The following FANCC variants were observed in gnomAD, a reference collection of about 807,000 sequenced individuals.
The protein encoded by FANCC is Fanconi anemia group C protein.
FANCC carries 55 observed loss-of-function variants against 71.3 expected under a neutral mutation model. The observed-to-expected ratio is 0.77, with a 90% CI of 0.62 to 0.97. FANCC has a LOEUF of 0.97. FANCC is among the 50% of genes least tolerant of loss of function. The probability of loss-of-function intolerance (pLI) is 0.00; values close to 1 mark genes in which losing one functional copy is unlikely to be tolerated. For synonymous variants in FANCC, 275 were observed against 244.9 expected (o/e 1.12, Z -1.15); for missense variants, 678 against 670.9 (o/e 1.01, Z -0.12).
intron 1 of FANCC, 144 bp from the exon 2 acceptor site, chr9:95,249,513 A>G: frequency 1.8e-6 from 1 of 570,600 alleles, no homozygotes; most frequent in South Asian, 2.1e-5. Flanking sequence ...TTGTTATAAA[A>G]TATGTCATCC....
At chr9:95,190,969 T>C (rs914385982) in intron 4 of FANCC, among the ~76,000 whole-genome samples, 5 of 152,106 alleles carry the variant, frequency 3.3e-5, no homozygotes, top group Non-Finnish European at 7.4e-5. Context: ...TGGGGTCTTC[T>C]GTCACAAAGG....
At chr9:95,106,040 C>A (rs1407107718) in intron 14 of FANCC, among the ~76,000 whole-genome samples, 2 of 152,202 alleles carry the variant, frequency 1.3e-5, no homozygotes, top group African/African-American at 4.8e-5. Context: ...GAGGAACCAC[C>A]CCATTCTTCT....
intron 7 of FANCC, among the ~76,000 whole-genome samples, chr9:95,147,857 C>G (rs1484372269): frequency 2.6e-5 from 4 of 152,220 alleles, no homozygotes. Context: ...TCTGGACTTA[C>G]TGTATTGCTT....
intron 4 of FANCC, among the ~76,000 whole-genome samples, chr9:95,238,420 C>T (rs1564784196): frequency 1.3e-5 from 2 of 152,160 alleles, no homozygotes; most frequent in African/African-American, 4.8e-5. Context: ...TTCTCCATTT[C>T]TTTGAGGCCC....
chr9:95,217,561 T>G (rs1359414108), intron 4 of FANCC, among the ~76,000 whole-genome samples: 3 of 152,136 alleles, frequency 2.0e-5, no homozygotes, highest in Non-Finnish European at 4.4e-5. Context: ...TAGTAAATTT[T>G]TTTTAACTAA....
intron 4 of FANCC, among the ~76,000 whole-genome samples, chr9:95,225,039 G>C (rs1564770133): frequency 6.6e-6 from 1 of 152,168 alleles, no homozygotes; most frequent in Non-Finnish European, 1.5e-5. Context: ...AGGAACAATA[G>C]TCAAACTAAG....
At chr9:95,223,181 A>C (rs1829388650) in intron 4 of FANCC, among the ~76,000 whole-genome samples, 1 of 152,234 alleles carries the variant, frequency 6.6e-6, no homozygotes, top group Non-Finnish European at 1.5e-5. Flanking sequence ...AAGTACCACA[A>C]GTTGAGTGGC....
chr9:95,222,162 CAAAA>C (rs60764731), intron 4 of FANCC, among the ~76,000 whole-genome samples: 1 of 70,634 alleles, frequency 1.4e-5, no homozygotes. Flanking sequence ...GGCCCCATCT[CAAAA>C]AAAAAAAAAA....
At chr9:95,205,388 A>C (rs1007951977) in intron 4 of FANCC, among the ~76,000 whole-genome samples, 5 of 152,144 alleles carry the variant, frequency 3.3e-5, no homozygotes, top group South Asian at 2.1e-4. Flanking sequence ...ATTTTAAAAA[A>C]CTTGACAACT....
chr9:95,293,768 T>C (rs1241151331), intron 1 of FANCC: 1 of 1,613,860 alleles, frequency 6.2e-7, no homozygotes, highest in Non-Finnish European at 8.5e-7. Flanking sequence ...CTGCTCAGAC[T>C]GATGCATTTA....
intron 3 of FANCC, among the ~76,000 whole-genome samples, chr9:95,242,521 G>T (rs891414454): frequency 6.7e-6 from 1 of 149,010 alleles, no homozygotes; most frequent in Non-Finnish European, 1.5e-5. Flanking sequence ...GTCAGTTTAT[G>T]AGTTTATGAA....
intron 7 of FANCC, among the ~76,000 whole-genome samples, chr9:95,148,806 T>C (rs1253271574): frequency 6.6e-6 from 1 of 152,230 alleles, no homozygotes; most frequent in African/African-American, 2.4e-5. Flanking sequence ...ACTGACATAA[T>C]TTCAGATTCC....
At chr9:95,174,768 G>A (rs531798251) in intron 4 of FANCC, among the ~76,000 whole-genome samples, 1 of 152,264 alleles carries the variant, frequency 6.6e-6, no homozygotes, top group Non-Finnish European at 1.5e-5. Flanking sequence ...AATACTTGGA[G>A]ATGACAGTCT....
chr9:95,255,456 C>T (rs11507036), intron 1 of FANCC, among the ~76,000 whole-genome samples: 1 of 152,172 alleles, frequency 6.6e-6, no homozygotes, highest in East Asian at 1.9e-4. Flanking sequence ...GCAGAGGGGC[C>T]TGACTGTTAG....
At chr9:95,259,764 A>C (rs1831905838) in intron 1 of FANCC, among the ~76,000 whole-genome samples, 1 of 152,224 alleles carries the variant, frequency 6.6e-6, no homozygotes, top group Non-Finnish European at 1.5e-5. Flanking sequence ...CAACCTACAG[A>C]ATGGGAGAAA....
intron 7 of FANCC, among the ~76,000 whole-genome samples, chr9:95,141,577 G>A (rs1055126213): frequency 6.6e-6 from 1 of 151,904 alleles, no homozygotes; most frequent in Admixed American, 6.6e-5. Flanking sequence ...TCTAATTTAC[G>A]TTTTCATTTC....
intron 4 of FANCC, among the ~76,000 whole-genome samples, chr9:95,225,037 T>C (rs560361579): frequency 5.0e-4 from 76 of 152,280 alleles, no homozygotes; most frequent in Middle Eastern, 3.4e-3. Context: ...ATAGGAACAA[T>C]AGTCAAACTA....
chr9:95,184,443 A>C (rs1267789731), intron 4 of FANCC, among the ~76,000 whole-genome samples: 1 of 152,198 alleles, frequency 6.6e-6, no homozygotes, highest in Non-Finnish European at 1.5e-5. Flanking sequence ...AAAAGAAAGA[A>C]ATGTCCTCTA....
At chr9:95,140,655 C>T (rs1048273544) in intron 7 of FANCC, among the ~76,000 whole-genome samples, 4 of 152,112 alleles carry the variant, frequency 2.6e-5, no homozygotes, top group Non-Finnish European at 5.9e-5. Flanking sequence ...CCTTTTCAAA[C>T]CAGAAAGAGA....
Sources: gnomAD v4.1 joint callset for allele counts (sites outside exome capture counted in the v4.1 genomes callset) on GRCh38, gnomAD v4.1.1 for gene constraint, MANE v1.5 for transcripts, NCBI Gene and HGNC (gene_info 2026-07-23, HGNC 2026-07-21) for gene names.